The following CCDC125 variants were observed in gnomAD, a reference collection of about 807,000 sequenced individuals.
CCDC125 encodes the protein coiled-coil domain containing 125.
Under a neutral mutation model 57.4 loss-of-function variants are expected in CCDC125, and 43 were observed. The ratio of observed to expected loss-of-function variants is 0.75; its 90% CI spans 0.59 to 0.97. The LOEUF is 0.97. Among genes scored for constraint, CCDC125 ranks in the 50% least tolerant of loss-of-function variants. The probability of loss-of-function intolerance (pLI) is 0.00; values close to 1 mark genes in which losing one functional copy is unlikely to be tolerated. For missense variants in CCDC125, 563 were observed against 595.7 expected (o/e 0.95, Z 0.57); for synonymous variants, 187 against 195.2 (o/e 0.96, Z 0.35).
Position 69,315,774 on chromosome 5 carries a change from A to AAAAG in CCDC125, c.305-1729_305-1728insCTTT, listed in dbSNP as rs1561469090. ...AAACTCCGTCTCAAAAAAAAAAAAA[A>AAAAG]AAAAGAAACCAAAAAAAAACCTAAA... On this transcript the variant is annotated intron_variant, in intron 2 of 11. Coordinates refer to ENST00000396496, the MANE Select transcript of CCDC125 (RefSeq NM_176816.5). 3.5e-5 allele frequency among the ~76,000 whole-genome samples: 5 copies of AAAAG among 141,452 alleles called. 1 individual carries two copies. The highest frequency in any genetic ancestry group is 7.3e-5 in the Admixed American group (1 of 13,780). 92.8% of individuals were successfully genotyped at this position (141,452 alleles called of 152,430 possible).
At chr5:69,299,116 T>C (rs1226670009) in intron 8 of CCDC125, among the ~76,000 whole-genome samples, 6 of 151,188 alleles carry the variant, frequency 4.0e-5, no homozygotes, top group Non-Finnish European at 8.9e-5. Flanking sequence ...TCTTTCTTTT[T>C]TTTTTTTTTT....
downstream of CCDC125, among the ~76,000 whole-genome samples, chr5:69,278,703 C>CTTT (rs34258569): frequency 0.012 from 1,307 of 108,112 alleles, 61 homozygotes; most frequent in African/African-American, 0.016. Flanking sequence ...TCTCTCTCTC[C>CTTT]TTTTTTTTTT....
At chr5:69,318,943 C>T (rs200309245) in intron 2 of CCDC125, among the ~76,000 whole-genome samples, 2 of 142,870 alleles carry the variant, frequency 1.4e-5, no homozygotes, top group African/African-American at 5.1e-5. Flanking sequence ...GGTTTTTTTT[C>T]TTTTTTTTTT....
At chr5:69,297,839 T>C (rs1755645744) in intron 8 of CCDC125, among the ~76,000 whole-genome samples, 1 of 150,742 alleles carries the variant, frequency 6.6e-6, no homozygotes, top group African/African-American at 2.4e-5. Flanking sequence ...GATAATGGTG[T>C]GCACCCGTAG....
chr5:69,307,894 A>G lies in CCDC125; in HGVS notation c.531+57T>C, dbSNP rs1360777699. The G allele has an allele frequency of 7.3e-6, 10 of 1,365,644 alleles. No individual in the cohort carries two copies. In the East Asian group the frequency reaches 2.1e-4, roughly 28 times the overall value. 84.6% of individuals were successfully genotyped at this position (1,365,644 alleles called of 1,614,324 possible). On this transcript the variant is annotated intron_variant, in intron 5 of 11. Transcript: ENST00000396496. ...ATCCATTAGTATGGTGAGTTTAGGG[A>G]AATTATATTTAACAGCTTATTGGAT...
chr5:69,277,243 T>C (rs576010284), downstream of CCDC125: 1 of 669,514 alleles, frequency 1.5e-6, no homozygotes, highest in Admixed American at 2.9e-5. Flanking sequence ...TTGTAAATAT[T>C]CTACACATGT....
At chr5:69,294,401 G>A (rs548665263) in intron 9 of CCDC125, among the ~76,000 whole-genome samples, 18 of 151,696 alleles carry the variant, frequency 1.2e-4, no homozygotes, top group South Asian at 4.2e-4. Context: ...TCCGCCTCCC[G>A]GATTCAAGCG....
chr5:69,324,868 TAAAC>T (rs924249475), intron 1 of CCDC125, among the ~76,000 whole-genome samples: 1 of 151,844 alleles, frequency 6.6e-6, no homozygotes, highest in African/African-American at 2.4e-5. Context: ...AATAAATAAA[TAAAC>T]AACAGCACAT....
Position 69,282,910 on chromosome 5 carries a change from A to G in CCDC125, c.1355T>C (p.Phe452Ser), listed in dbSNP as rs1241812499. The change falls in exon 12 of 12, where the codon TTC becomes TCC. Residue 452 changes from phenylalanine (F) to serine (S), a missense_variant. Transcript: ENST00000396496. ...NKEKNPIKEN[F>S]PFNNPWRKTS... ...CTTACGCCAGGGGTTGTTGAAAGGGAAATTCTCTTTTATAGGATTTTTTTC... is the reference window on the plus strand; with the variant it reads ...CTTACGCCAGGGGTTGTTGAAAGGGGAATTCTCTTTTATAGGATTTTTTTC... 1 of 1,614,122 alleles carries G rather than the reference A, an allele frequency of 6.2e-7. No homozygotes were observed. The highest frequency in any genetic ancestry group is 8.5e-7 in the Non-Finnish European group (1 of 1,180,016).
Position 69,285,412 on chromosome 5 carries a change from G to C in CCDC125, c.1155C>G (p.Leu385=). Residue 385 remains leucine, a synonymous_variant, in exon 11 of 12, where the codon CTC becomes CTG. Transcript: ENST00000396496. ...TCCTCTTAGAACTGTTTTCTGAAGG[G>C]AGCATACCCAACAGTCTCTGCCCGA... ...KTFGQRLLGM[L]PSENSSKRME... is the part of the protein sequence containing the mutation. 1.2e-6 allele frequency: 2 copies of C among 1,610,900 alleles called. No individual in the cohort carries two copies. Among genetic ancestry groups the C allele is most frequent in the Non-Finnish European group, 1.7e-6 (2 of 1,178,778 alleles).
At chr5:69,325,201 C>T (rs1760573161) in intron 1 of CCDC125, among the ~76,000 whole-genome samples, 1 of 151,530 alleles carries the variant, frequency 6.6e-6, no homozygotes, top group African/African-American at 2.4e-5. Context: ...TGGTGCATGC[C>T]TGTAGTCCCA....
At chr5:69,283,949 A>G (rs1315009211) in intron 11 of CCDC125, among the ~76,000 whole-genome samples, 2 of 150,860 alleles carry the variant, frequency 1.3e-5, no homozygotes, top group Admixed American at 1.3e-4. Context: ...CAGCCACCAC[A>G]CCTGGCTAAT....
intron 2 of CCDC125, among the ~76,000 whole-genome samples, chr5:69,318,588 C>CA (rs111666293): frequency 0.49 from 63,226 of 129,954 alleles, 14,890 homozygotes; most frequent in East Asian, 0.61. Context: ...ACTAAAAATA[C>CA]AAAAAAAAAA....
intron 2 of CCDC125, among the ~76,000 whole-genome samples, chr5:69,315,628 G>A (rs928972537): frequency 2.0e-5 from 3 of 150,844 alleles, no homozygotes; most frequent in African/African-American, 7.3e-5. Flanking sequence ...CATGGTGGCG[G>A]GCGCCTGTAA....
intron 1 of CCDC125, among the ~76,000 whole-genome samples, chr5:69,323,032 C>T (rs1025267854): frequency 6.6e-6 from 1 of 151,300 alleles, no homozygotes; most frequent in African/African-American, 2.4e-5. Context: ...TTCGGCCTGG[C>T]GCGGTGGCTC....
At position 69,315,154 on chromosome 5, in the gene CCDC125, G is replaced by A. The variant is rs571676443; in HGVS notation, c.305-1108C>T. 5.9e-5 allele frequency among the ~76,000 whole-genome samples: 9 copies of A among 152,128 alleles called. No homozygotes were observed. The South Asian group carries it at 1.0e-3, about 18-fold the overall frequency. On this transcript the variant is annotated intron_variant, in intron 2 of 11. Transcript: ENST00000396496. ...GCCTGTAGTCTCAGCTACTCAAGAG[G>A]CTGAGGCAGGAGAATTGCTTGAACC... is the stretch of plus-strand genomic sequence containing the variant.
chr5:69,273,777 A>G, the CCDC125 span, among the ~76,000 whole-genome samples: 1 of 152,060 alleles, frequency 6.6e-6, no homozygotes, highest in Non-Finnish European at 1.5e-5. Flanking sequence ...TACAAAATAG[A>G]TTTTTTTCTC....
chr5:69,278,657 G>C (rs1752318292), downstream of CCDC125, among the ~76,000 whole-genome samples: 2 of 144,842 alleles, frequency 1.4e-5, no homozygotes, highest in Non-Finnish European at 3.0e-5. Flanking sequence ...GTACAGCATT[G>C]TTTTGGGTCT....
rs796330191 is a variant in CCDC125 at position 69,313,345 on chromosome 5, G to T, written c.366+640C>A. On this transcript the variant is annotated intron_variant, in intron 3 of 11. Transcript: ENST00000396496. The stretch of plus-strand genomic sequence containing the variant: ...GAGGACAGGTGTGGGGCTGCCAGAT[G>T]CTCTAGGCAGGTGGCCAGAAGGGGC... The T allele has an allele frequency of 2.2e-4, 245 of 1,120,360 alleles. No homozygotes were observed. In the African/African-American group the frequency reaches 3.1e-3, roughly 14 times the overall value. The allele number at this position is 1,120,360 out of a possible 1,614,324, so 69.4% of individuals were successfully genotyped here.
Sources: gnomAD v4.1 joint callset for allele counts (sites outside exome capture counted in the v4.1 genomes callset) on GRCh38, gnomAD v4.1.1 for gene constraint, MANE v1.5 for transcripts, NCBI Gene and HGNC (gene_info 2026-07-23, HGNC 2026-07-21) for gene names.